Variants in TRAPPC9 observed in about 807,000 individuals in gnomAD.
The protein encoded by TRAPPC9 is IKK2 binding protein.
TRAPPC9 carries 83 observed loss-of-function variants against 124.0 expected under a neutral mutation model. The ratio of observed to expected loss-of-function variants is 0.67; its 90% CI spans 0.56 to 0.80. The LOEUF is 0.80. TRAPPC9 is among the 30% of genes least tolerant of loss of function. The probability of loss-of-function intolerance (pLI) is 0.00; values close to 1 mark genes in which losing one functional copy is unlikely to be tolerated. For missense variants in TRAPPC9, 1,302 were observed against 1,508.3 expected, an observed-to-expected ratio of 0.86 and a Z score of 2.27; for synonymous variants, 638 against 617.5, an observed-to-expected ratio of 1.03 and a Z score of -0.49.
chr8:140,455,165 C>T (rs1175250982), intron 1 of TRAPPC9, among the ~76,000 whole-genome samples: 1 of 152,182 alleles, frequency 6.6e-6, no homozygotes, highest in Non-Finnish European at 1.5e-5. Context: ...TGGAGTTTCG[C>T]TCTGTCACCC....
chr8:140,382,813 G>C (rs2060468677), intron 7 of TRAPPC9, among the ~76,000 whole-genome samples: 1 of 152,174 alleles, frequency 6.6e-6, no homozygotes, highest in Non-Finnish European at 1.5e-5. Context: ...AGAGAGTAGT[G>C]GTTCTCCCAG....
intron 21 of TRAPPC9, among the ~76,000 whole-genome samples, chr8:139,746,371 C>T (rs1178457846): frequency 2.0e-5 from 3 of 152,168 alleles, no homozygotes; most frequent in African/African-American, 4.8e-5. Flanking sequence ...AAACCTGGAC[C>T]GTAAACACAT....
chr8:140,279,970 G>A (rs982189833), intron 14 of TRAPPC9, among the ~76,000 whole-genome samples: 2 of 152,202 alleles, frequency 1.3e-5, no homozygotes, highest in Admixed American at 6.5e-5. Context: ...TTGCTGGAGC[G>A]CTGGCCGGAG....
chr8:140,184,980 A>T (rs886536970), intron 17 of TRAPPC9, among the ~76,000 whole-genome samples: 2 of 152,156 alleles, frequency 1.3e-5, no homozygotes, highest in Non-Finnish European at 2.9e-5. Flanking sequence ...AAATAAAATA[A>T]TTTTTTATTC....
intron 7 of TRAPPC9, among the ~76,000 whole-genome samples, chr8:140,377,676 A>G (rs79739982): frequency 6.6e-6 from 1 of 152,066 alleles, no homozygotes; most frequent in African/African-American, 2.4e-5. Flanking sequence ...ATTAAAAGCC[A>G]ATTAAACAAG....
At chr8:140,249,784 AT>A (rs1261886928) in intron 16 of TRAPPC9, among the ~76,000 whole-genome samples, 2 of 151,386 alleles carry the variant, frequency 1.3e-5, no homozygotes, top group African/African-American at 2.4e-5. Flanking sequence ...TTGTTTTTGT[AT>A]TTTTAGTAGA....
chr8:140,172,175 C>T (rs1426528249), intron 17 of TRAPPC9, among the ~76,000 whole-genome samples: 3 of 152,116 alleles, frequency 2.0e-5, no homozygotes, highest in Non-Finnish European at 4.4e-5. Context: ...TTGCACTGGA[C>T]CAGAAAGCAT....
chr8:139,772,752 G>T (rs1821065171), intron 21 of TRAPPC9, among the ~76,000 whole-genome samples: 1 of 152,186 alleles, frequency 6.6e-6, no homozygotes, highest in Non-Finnish European at 1.5e-5. Flanking sequence ...AAGCCCTAAA[G>T]CCCAGTACAA....
intron 5 of TRAPPC9, among the ~76,000 whole-genome samples, chr8:140,425,630 G>C (rs1039570433): frequency 1.3e-5 from 2 of 151,942 alleles, no homozygotes; most frequent in African/African-American, 4.9e-5. Flanking sequence ...CTGCAATTCA[G>C]TATTTTATAG....
At chr8:140,243,090 C>A (rs185334231) in intron 16 of TRAPPC9, among the ~76,000 whole-genome samples, 1 of 152,290 alleles carries the variant, frequency 6.6e-6, no homozygotes, top group East Asian at 1.9e-4. Flanking sequence ...AAACACAGAT[C>A]GCAGCCCAGC....
At chr8:140,242,020 TG>T (rs1344083593) in intron 16 of TRAPPC9, among the ~76,000 whole-genome samples, 1 of 150,614 alleles carries the variant, frequency 6.6e-6, no homozygotes, top group East Asian at 2.0e-4. Flanking sequence ...AGGGGCCGAG[TG>T]GGTTGGCAGA....
At chr8:139,792,241 A>G (rs1384740789) in intron 21 of TRAPPC9, among the ~76,000 whole-genome samples, 1 of 152,058 alleles carries the variant, frequency 6.6e-6, no homozygotes, top group African/African-American at 2.4e-5. Context: ...GGGGGTGGCC[A>G]GGGGAGTAGG....
intron 17 of TRAPPC9, among the ~76,000 whole-genome samples, chr8:140,211,229 C>A (rs1223420504): frequency 6.6e-6 from 1 of 151,734 alleles, no homozygotes; most frequent in Non-Finnish European, 1.5e-5. Context: ...CACATCTCTA[C>A]AACAAATTAA....
chr8:140,035,420 T>C (rs144252406), intron 17 of TRAPPC9, among the ~76,000 whole-genome samples: 185 of 152,226 alleles, frequency 1.2e-3, no homozygotes, highest in African/African-American at 4.0e-3. Context: ...ATGCAGGAAA[T>C]TGATGGGGAC....
intron 17 of TRAPPC9, among the ~76,000 whole-genome samples, chr8:140,191,554 C>T (rs568820424): frequency 9.3e-4 from 142 of 152,254 alleles, no homozygotes; most frequent in Non-Finnish European, 1.8e-3. Flanking sequence ...CTCCCACTCT[C>T]GCCATGTGAC....
chr8:140,421,984 C>CA (rs35152459), intron 5 of TRAPPC9, among the ~76,000 whole-genome samples: 15,517 of 44,026 alleles, frequency 0.35, 3,482 homozygotes, highest in East Asian at 0.48. Context: ...TCCCTCATGA[C>CA]AAAAAAAAAA....
In TRAPPC9 at chr8:139,834,483, G is replaced by A. The variant is rs552749190; in HGVS notation, c.3055+51396C>T. On this transcript the variant is annotated intron_variant, in intron 21 of 22. Transcript: ENST00000438773. ...TTTCTGAGGAAGGGGGGCGGGCACA[G>A]CTGCAAGGCACGGGGGACCCCTCCA... is the stretch of plus-strand genomic sequence containing the variant. 2.0e-5 allele frequency among the ~76,000 whole-genome samples: 3 copies of A among 152,380 alleles called. No individual in the cohort carries two copies. In the East Asian group the frequency reaches 5.8e-4, roughly 29 times the overall value.
intron 17 of TRAPPC9, among the ~76,000 whole-genome samples, chr8:140,088,492 A>G (rs2130129769): frequency 6.6e-6 from 1 of 152,352 alleles, no homozygotes; most frequent in African/African-American, 2.4e-5. Flanking sequence ...GGACCTTTTG[A>G]AATTATGACT....
intron 1 of TRAPPC9, among the ~76,000 whole-genome samples, 153 bp from the exon 2 acceptor site, chr8:140,451,536 G>A (rs111379118): frequency 7.8e-4 from 119 of 152,300 alleles, no homozygotes; most frequent in African/African-American, 2.8e-3. Context: ...CTCTACACGT[G>A]GCTGTCGCAG....
Sources: allele counts gnomAD v4.1 joint callset (sites outside exome capture counted in the v4.1 genomes callset), GRCh38; gene constraint gnomAD v4.1.1; transcripts MANE v1.5; gene names NCBI Gene and HGNC (gene_info 2026-07-23, HGNC 2026-07-21).